The following RSRC1 variants were observed in gnomAD, a reference collection of about 807,000 sequenced individuals.
RSRC1 encodes arginine and serine rich coiled-coil 1, also known as serine/Arginine-related protein 53.
RSRC1 carries 39 observed loss-of-function variants against 49.1 expected under a neutral mutation model. That is an observed-to-expected ratio of 0.79 (90% CI 0.61 to 1.04). The LOEUF (loss-of-function observed/expected upper bound fraction) is 1.04. Ranked by LOEUF, RSRC1 falls within the 50% of genes least tolerant of loss-of-function variation. RSRC1 has a pLI of 0.00. For missense variants in RSRC1, 388 were observed against 402.4 expected (o/e 0.96, Z 0.31); for synonymous variants, 143 against 130.8 (o/e 1.09, Z -0.63).
At chr3:158,113,774 A>G (rs1714587029) in intron 1 of RSRC1, among the ~76,000 whole-genome samples, 3 of 151,944 alleles carry the variant, frequency 2.0e-5, no homozygotes, top group African/African-American at 4.8e-5. Flanking sequence ...TTTTTCTCAT[A>G]TGTTTGTTGG....
intron 6 of RSRC1, among the ~76,000 whole-genome samples, chr3:158,424,957 G>T (rs1187919356): frequency 6.6e-6 from 1 of 151,102 alleles, no homozygotes; most frequent in Non-Finnish European, 1.5e-5. Flanking sequence ...GCGTCTATTT[G>T]ATTCTTCTCT....
At chr3:158,287,647 T>C (rs1326208113) in intron 4 of RSRC1, among the ~76,000 whole-genome samples, 1 of 152,186 alleles carries the variant, frequency 6.6e-6, no homozygotes, top group Non-Finnish European at 1.5e-5. Context: ...AAGTATATTA[T>C]TGACAACCGG....
chr3:158,503,761 T>G (rs759164236), intron 7 of RSRC1, among the ~76,000 whole-genome samples: 21 of 152,032 alleles, frequency 1.4e-4, no homozygotes, highest in Non-Finnish European at 2.6e-4. Context: ...CTGAGTCTGT[T>G]TCCAGGTGTT....
intron 6 of RSRC1, among the ~76,000 whole-genome samples, chr3:158,377,475 G>T (rs562220866): frequency 4.9e-4 from 74 of 152,136 alleles, no homozygotes; most frequent in African/African-American, 1.7e-3. Context: ...AGATTTGGTT[G>T]TTTAAAAGAG....
At chr3:158,443,090 A>G (rs1310054550) in intron 6 of RSRC1, among the ~76,000 whole-genome samples, 1 of 152,150 alleles carries the variant, frequency 6.6e-6, no homozygotes, top group African/African-American at 2.4e-5. Context: ...TATAGAGCAC[A>G]GGCAGAGTAG....
chr3:158,448,401 C>CTT (rs1736841698), intron 6 of RSRC1, among the ~76,000 whole-genome samples: 1 of 151,720 alleles, frequency 6.6e-6, no homozygotes. Context: ...GTTGGGTAAG[C>CTT]ATCAGACAGC....
chr3:158,455,746 G>A (rs1242881270), intron 6 of RSRC1, among the ~76,000 whole-genome samples: 3 of 152,012 alleles, frequency 2.0e-5, no homozygotes, highest in Non-Finnish European at 2.9e-5. Context: ...TTGGGAGGCC[G>A]AGACAAGCGG....
At chr3:158,332,341 A>G (rs76956092) in intron 5 of RSRC1, among the ~76,000 whole-genome samples, 1,708 of 152,266 alleles carry the variant, frequency 0.011, 43 homozygotes, top group African/African-American at 0.039. Flanking sequence ...TTGATCATCT[A>G]TATCATTTTC....
chr3:158,276,124 G>T (rs1398034342), intron 4 of RSRC1: 4 of 924,680 alleles, frequency 4.3e-6, no homozygotes, highest in African/African-American at 1.6e-5. Context: ...CTCTGCAACG[G>T]ACTGAAGCTG....
At chr3:158,224,038 C>T (rs933524359) in intron 4 of RSRC1, among the ~76,000 whole-genome samples, 1 of 151,708 alleles carries the variant, frequency 6.6e-6, no homozygotes, top group Non-Finnish European at 1.5e-5. Context: ...CTTGTTAGTA[C>T]TCCCACCAGA....
intron 3 of RSRC1, among the ~76,000 whole-genome samples, chr3:158,145,604 T>G (rs1717042304): frequency 6.6e-6 from 1 of 152,210 alleles, no homozygotes; most frequent in Admixed American, 6.5e-5. Flanking sequence ...AGGATTGACT[T>G]GGCAATGCGG....
chr3:158,227,115 G>A (rs1722570952), intron 4 of RSRC1, among the ~76,000 whole-genome samples: 1 of 151,796 alleles, frequency 6.6e-6, no homozygotes, highest in Admixed American at 6.6e-5. Context: ...AATATCTAAG[G>A]TTTCCTTTAT....
intron 3 of RSRC1, among the ~76,000 whole-genome samples, chr3:158,150,521 GCTGT>G (rs1449141805): frequency 6.6e-6 from 1 of 152,056 alleles, no homozygotes; most frequent in Non-Finnish European, 1.5e-5. Context: ...CATTTAATAA[GCTGT>G]CTGGTTGTGT....
rs77664594 is a variant in RSRC1 at position 158,286,310 on chromosome 3, G to A, written c.495-11729G>A. 7.6e-3 allele frequency among the ~76,000 whole-genome samples: 1,151 copies of A among 152,162 alleles called. 14 individuals are homozygous for A. Among genetic ancestry groups the A allele is most frequent in the African/African-American group, 0.026 (1,092 of 41,488 alleles). On this transcript the variant is annotated intron_variant, in intron 4 of 9. Coordinates refer to ENST00000611884, the MANE Select transcript of RSRC1 (RefSeq NM_001271838.2). ...ATTTAATTCAAGTTTCTAGCTGAGC[G>A]GTATAGTGTGATCTACTGAATCTCT...
chr3:158,485,684 C>G (rs2108441126), intron 7 of RSRC1, among the ~76,000 whole-genome samples: 1 of 152,182 alleles, frequency 6.6e-6, no homozygotes, highest in Admixed American at 6.6e-5. Context: ...TCTGCTATCT[C>G]AAAGTTACAT....
At chr3:158,514,417 T>C in intron 7 of RSRC1, among the ~76,000 whole-genome samples, 1 of 152,240 alleles carries the variant, frequency 6.6e-6, no homozygotes, top group Non-Finnish European at 1.5e-5. Context: ...TTCCATGTAG[T>C]TGAGCGGTTT....
rs543606141 is a variant in RSRC1, at chr3:158,136,259, A to G, written c.320+12268A>G. Among the ~76,000 whole-genome samples the G allele has an allele frequency of 5.3e-5, 8 of 152,302 alleles. No homozygotes were observed. The South Asian group carries it at 1.0e-3, about 20-fold the overall frequency. On this transcript the variant is annotated intron_variant, in intron 3 of 9. Transcript: ENST00000611884. ...TACATGAAAATAAGTTTCATAATGTATATTATTTAAATTATTTTAAAATAT... is the reference window on the plus strand; with the variant it reads ...TACATGAAAATAAGTTTCATAATGTGTATTATTTAAATTATTTTAAAATAT...
At chr3:158,193,931 T>G (rs16828741) in intron 3 of RSRC1, among the ~76,000 whole-genome samples, 11,661 of 152,042 alleles carry the variant, frequency 0.077, 541 homozygotes, top group South Asian at 0.13. Flanking sequence ...ATAAATATTG[T>G]GAGTTCAGGT....
At chr3:158,214,987 A>G (rs913472120) in intron 4 of RSRC1, among the ~76,000 whole-genome samples, 2 of 151,738 alleles carry the variant, frequency 1.3e-5, no homozygotes, top group Non-Finnish European at 2.9e-5. Flanking sequence ...ATTACTAAAG[A>G]GAAGTGTTGA....
Sources: allele counts gnomAD v4.1 joint callset (sites outside exome capture counted in the v4.1 genomes callset), GRCh38; gene constraint gnomAD v4.1.1; transcripts MANE v1.5; gene names NCBI Gene and HGNC (gene_info 2026-07-23, HGNC 2026-07-21).